CNTN3: variants seen among roughly 807,000 people sequenced by gnomAD.
CNTN3 encodes contactin 3, also known as contactin-3.
Under a neutral mutation model 119.1 loss-of-function variants are expected in CNTN3, and 60 were observed. The observed-to-expected ratio is 0.50, with a 90% confidence interval of 0.41 to 0.62. CNTN3 has a LOEUF of 0.62. Among genes scored for constraint, CNTN3 ranks in the 20% least tolerant of loss-of-function variants. CNTN3 has a pLI of 0.00. For missense variants in CNTN3, 1,101 were observed against 1,242.4 expected (o/e 0.89, Z 1.71); for synonymous variants, 450 against 438.7 (o/e 1.03, Z -0.32).
At chr3:74,312,481 A>AAAAAAATC (rs1702714893) in intron 13 of CNTN3, among the ~76,000 whole-genome samples, 1 of 149,568 alleles carries the variant, frequency 6.7e-6, no homozygotes, top group African/African-American at 2.5e-5. Context: ...AAAAAAAAAA[A>AAAAAAATC]TGCTCTGCCC....
At chr3:74,587,455 T>C (rs932863637) in intron 1 of CNTN3, among the ~76,000 whole-genome samples, 1 of 152,068 alleles carries the variant, frequency 6.6e-6, no homozygotes, top group Non-Finnish European at 1.5e-5. Context: ...GAAGCACACA[T>C]CAAAATTGTG....
intron 20 of CNTN3, among the ~76,000 whole-genome samples, chr3:74,279,900 G>C (rs1295172138): frequency 1.3e-5 from 2 of 152,128 alleles, no homozygotes; most frequent in Non-Finnish European, 2.9e-5. Flanking sequence ...AGGGGGATAA[G>C]TGGAGATTAA....
chr3:74,504,549 T>C (rs1191443511), intron 2 of CNTN3, among the ~76,000 whole-genome samples: 2 of 152,182 alleles, frequency 1.3e-5, no homozygotes, highest in Non-Finnish European at 1.5e-5. Context: ...CAAAATAAAA[T>C]TCCATTTATA....
At chr3:74,545,842 T>C (rs541228297) in intron 1 of CNTN3, among the ~76,000 whole-genome samples, 2 of 152,322 alleles carry the variant, frequency 1.3e-5, no homozygotes, top group South Asian at 4.2e-4. Flanking sequence ...TATGGATGTC[T>C]TGATCCTAAG....
intron 5 of CNTN3, among the ~76,000 whole-genome samples, chr3:74,415,324 A>T (rs1327573496): frequency 1.3e-5 from 2 of 152,106 alleles, no homozygotes; most frequent in Non-Finnish European, 2.9e-5. Flanking sequence ...CTGTAGACTG[A>T]AAGTGTAAGT....
intron 5 of CNTN3, among the ~76,000 whole-genome samples, chr3:74,413,762 C>T (rs1159711816): frequency 6.6e-6 from 1 of 152,090 alleles, no homozygotes; most frequent in African/African-American, 2.4e-5. Flanking sequence ...CCACTCTTAC[C>T]TTTAACCCTG....
In CNTN3 at chr3:74,596,297, A is replaced by T. The variant is rs78818848; in HGVS notation, c.-81+18094T>A. Among the ~76,000 whole-genome samples the T allele has an allele frequency of 1.3e-4, 20 of 152,268 alleles. No homozygotes were observed. In the East Asian group the frequency reaches 3.7e-3, roughly 28 times the overall value. ...TATAGATTCAACGCCATCCCCATCA[A>T]GCTACCAATGACTTTCTTCACAGAA... On this transcript the variant is annotated intron_variant, in intron 1 of 22. Transcript: ENST00000263665.
chr3:74,574,652 A>G (rs1432838860), intron 1 of CNTN3, among the ~76,000 whole-genome samples: 2 of 152,198 alleles, frequency 1.3e-5, no homozygotes, highest in Non-Finnish European at 2.9e-5. Context: ...AGTGCTACAC[A>G]TATAACTTCA....
At chr3:74,517,622 CT>C (rs772447246) in intron 2 of CNTN3, among the ~76,000 whole-genome samples, 110 of 151,966 alleles carry the variant, frequency 7.2e-4, no homozygotes, top group Non-Finnish European at 1.1e-3. Context: ...GCCTCAGTGG[CT>C]TTTCCTCAGA....
At chr3:74,298,460 A>T (rs1204867617) in intron 17 of CNTN3, among the ~76,000 whole-genome samples, 2 of 152,234 alleles carry the variant, frequency 1.3e-5, no homozygotes, top group Non-Finnish European at 2.9e-5. Flanking sequence ...TTATGGCTCA[A>T]GTCTGAGTTT....
rs560515835 is a variant in CNTN3, at chr3:74,592,706, C to A, written c.-81+21685G>T. Among the ~76,000 whole-genome samples the A allele has an allele frequency of 3.9e-5, 6 of 152,064 alleles. 2 individuals carry two copies. The highest frequency in any genetic ancestry group is 1.4e-4 in the African/African-American group (6 of 41,526). ...CACAGTAAATGTGGGTCACATCTAA[C>A]CCACATCTAACAAAGAAGTTAATCT... is the stretch of plus-strand genomic sequence containing the variant. On this transcript the variant is annotated intron_variant, in intron 1 of 22. Coordinates refer to ENST00000263665, the MANE Select transcript of CNTN3 (RefSeq NM_020872.3).
rs1410124355 is a variant in CNTN3 at position 74,397,163 on chromosome 3, A to C, written c.455-25764T>G. ...TTCCAAAAATCCTAGGGTTACTAAG[A>C]ATTCCACTAAATCTACTCTGTCTGT... On this transcript the variant is annotated intron_variant, in intron 5 of 22. Coordinates refer to ENST00000263665, the MANE Select transcript of CNTN3 (RefSeq NM_020872.3). Among the ~76,000 whole-genome samples, 4 of 152,182 alleles carry C rather than the reference A, an allele frequency of 2.6e-5. No homozygotes were observed. The South Asian group carries it at 8.3e-4, about 32-fold the overall frequency.
intron 5 of CNTN3, among the ~76,000 whole-genome samples, chr3:74,383,331 A>G (rs1704668741): frequency 6.6e-6 from 1 of 152,122 alleles, no homozygotes; most frequent in South Asian, 2.1e-4. Flanking sequence ...CCAGCACACC[A>G]TTTTAAGTAA....
At chr3:74,445,456 G>C (rs1160688687) in intron 4 of CNTN3, among the ~76,000 whole-genome samples, 1 of 151,980 alleles carries the variant, frequency 6.6e-6, no homozygotes. Context: ...TAGAGACGGG[G>C]TTTCACCATG....
At chr3:74,367,206 C>T (rs938394906) in intron 8 of CNTN3, among the ~76,000 whole-genome samples, 1 of 151,872 alleles carries the variant, frequency 6.6e-6, no homozygotes, top group Non-Finnish European at 1.5e-5. Context: ...AATTGTAAGG[C>T]AACTTTCATG....
intron 1 of CNTN3, among the ~76,000 whole-genome samples, chr3:74,576,477 A>G (rs963089915): frequency 6.6e-6 from 1 of 152,202 alleles, no homozygotes; most frequent in African/African-American, 2.4e-5. Flanking sequence ...AAAAAAAATA[A>G]TTCTTAACCT....
chr3:74,400,707 C>T (rs927154863), intron 5 of CNTN3, among the ~76,000 whole-genome samples: 1 of 152,060 alleles, frequency 6.6e-6, no homozygotes, highest in Non-Finnish European at 1.5e-5. Context: ...ATTTGCCATA[C>T]CAAGTGATCT....
At chr3:74,297,223 T>G (rs566706494) in intron 18 of CNTN3, among the ~76,000 whole-genome samples, 4 of 152,274 alleles carry the variant, frequency 2.6e-5, no homozygotes, top group Admixed American at 2.6e-4. Flanking sequence ...GGGGTATATT[T>G]TTATTACCCC....
intron 4 of CNTN3, among the ~76,000 whole-genome samples, chr3:74,482,331 T>C (rs1327973552): frequency 2.6e-5 from 4 of 151,992 alleles, no homozygotes; most frequent in Admixed American, 6.6e-5. Context: ...ATGTTCACCA[T>C]ATTAACATAT....
Sources: allele counts gnomAD v4.1 joint callset (sites outside exome capture counted in the v4.1 genomes callset), GRCh38; gene constraint gnomAD v4.1.1; transcripts MANE v1.5; gene names NCBI Gene and HGNC (gene_info 2026-07-23, HGNC 2026-07-21).